Variants in CSMD3 observed in about 807,000 individuals in gnomAD.
CSMD3 encodes the protein CUB and Sushi multiple domains 3.
A neutral mutation model predicts 435.2 loss-of-function variants in CSMD3; 177 were observed. That is an observed-to-expected ratio of 0.41 (90% confidence interval 0.36 to 0.46). The LOEUF is 0.46. Ranked by LOEUF, CSMD3 falls within the 20% of genes least tolerant of loss-of-function variation. The probability of loss-of-function intolerance (pLI) is 0.34; values close to 1 mark genes in which losing one functional copy is unlikely to be tolerated. For missense variants in CSMD3, 4,265 were observed against 4,504.6 expected (o/e 0.95, Z 1.52); for synonymous variants, 1,656 against 1,520.5 (o/e 1.09, Z -2.07).
intron 2 of CSMD3, among the ~76,000 whole-genome samples, chr8:113,283,771 T>G (rs547592355): frequency 7.9e-5 from 12 of 152,264 alleles, no homozygotes; most frequent in Admixed American, 4.6e-4. Flanking sequence ...GAAAAGATAC[T>G]TGTACATGCA....
intron 31 of CSMD3, 83 bp from the exon 32 acceptor site, chr8:112,472,790 T>A: frequency 1.3e-6 from 1 of 756,338 alleles, no homozygotes; most frequent in Non-Finnish European, 2.4e-6. Flanking sequence ...ATATAAAAAA[T>A]ATATGGCTAA....
intron 3 of CSMD3, among the ~76,000 whole-genome samples, chr8:113,219,792 T>C (rs562109853): frequency 6.6e-6 from 1 of 151,530 alleles, no homozygotes; most frequent in East Asian, 1.9e-4. Flanking sequence ...ATGTATACAT[T>C]TGACCACATA....
chr8:112,403,465 T>G (rs1478869712), intron 35 of CSMD3, among the ~76,000 whole-genome samples: 1 of 152,042 alleles, frequency 6.6e-6, no homozygotes, highest in Non-Finnish European at 1.5e-5. Context: ...TACCATAGAT[T>G]AGGTAAGTTT....
At chr8:113,061,482 T>C (rs1329883545) in intron 5 of CSMD3, among the ~76,000 whole-genome samples, 1 of 152,080 alleles carries the variant, frequency 6.6e-6, no homozygotes, top group Non-Finnish European at 1.5e-5. Context: ...ATTATGAGGC[T>C]GAGAGAAAAC....
At chr8:113,365,864 A>G (rs1459821559) in intron 1 of CSMD3, among the ~76,000 whole-genome samples, 1 of 152,012 alleles carries the variant, frequency 6.6e-6, no homozygotes, top group African/African-American at 2.4e-5. Flanking sequence ...TATATGTATC[A>G]CTTTTTAAAC....
intron 22 of CSMD3, among the ~76,000 whole-genome samples, chr8:112,602,566 CAAAA>C (rs199693088): frequency 3.2e-5 from 4 of 125,076 alleles, no homozygotes; most frequent in Admixed American, 8.3e-5. Flanking sequence ...AACTCTGTCT[CAAAA>C]AAAAAAAAAA....
chr8:112,356,661 T>A (rs1421110815), intron 38 of CSMD3, among the ~76,000 whole-genome samples: 1 of 151,498 alleles, frequency 6.6e-6, no homozygotes, highest in African/African-American at 2.4e-5. Flanking sequence ...AGGAACCTGG[T>A]GGGAGGTAAC....
intron 13 of CSMD3, among the ~76,000 whole-genome samples, chr8:112,697,182 C>A (rs1195064091): frequency 1.3e-5 from 2 of 152,046 alleles, no homozygotes; most frequent in African/African-American, 2.4e-5. Context: ...TTCCTCAAGG[C>A]TCTGGAACTA....
In CSMD3 at chr8:112,275,470, C is replaced by T. The variant is rs529564877; in HGVS notation, c.9508+5704G>A. Among the ~76,000 whole-genome samples, 137 of 152,132 alleles carry T rather than the reference C, an allele frequency of 9.0e-4. 1 individual carries two copies. Among genetic ancestry groups the T allele is most frequent in the Admixed American group, 3.8e-3 (58 of 15,270 alleles). ...GCTGAGGCAGGAGAATCACTTGAAC[C>T]CAGGAGGCAGAGGTTGCAGTGAGCC... On this transcript the variant is annotated intron_variant, in intron 59 of 70. Coordinates refer to ENST00000297405, the MANE Select transcript of CSMD3 (RefSeq NM_198123.2).
intron 32 of CSMD3, among the ~76,000 whole-genome samples, chr8:112,410,623 T>C (rs1832280960): frequency 1.7e-5 from 1 of 58,966 alleles, no homozygotes; most frequent in East Asian, 5.7e-4. Context: ...TATGTATATA[T>C]ATGTGTATAT....
At chr8:112,839,298 A>G (rs1474055187) in intron 11 of CSMD3, among the ~76,000 whole-genome samples, 1 of 151,720 alleles carries the variant, frequency 6.6e-6, no homozygotes, top group African/African-American at 2.4e-5. Flanking sequence ...CTTCTCCTTT[A>G]GGGGACTGTT....
chr8:112,725,917 A>T (rs1416561286), intron 13 of CSMD3, among the ~76,000 whole-genome samples: 1 of 152,022 alleles, frequency 6.6e-6, no homozygotes, highest in Non-Finnish European at 1.5e-5. Context: ...TACTGCTATA[A>T]AGAACTGCCT....
chr8:112,267,460 G>A lies in CSMD3; in HGVS notation c.9509-1870C>T, dbSNP rs149464046. 1.0e-3 allele frequency among the ~76,000 whole-genome samples: 156 copies of A among 151,898 alleles called. 1 individual carries two copies. The highest frequency in any genetic ancestry group is 3.7e-3 in the African/African-American group (152 of 41,426). On this transcript the variant is annotated intron_variant, in intron 59 of 70. Coordinates refer to ENST00000297405, the MANE Select transcript of CSMD3 (RefSeq NM_198123.2). ...AATTCTACTCATGTACCGACAATAC[G>A]TCATCTCTTTTTATAGTTTAAAAAT...
chr8:112,914,895 G>A (rs1256470580), intron 10 of CSMD3, among the ~76,000 whole-genome samples: 1 of 151,884 alleles, frequency 6.6e-6, no homozygotes, highest in Non-Finnish European at 1.5e-5. Flanking sequence ...TTACTGTGGA[G>A]AAGCTAAATA....
In CSMD3 at chr8:112,366,273, AG is replaced by A. The variant is rs1275157414; in HGVS notation, c.6137-13740del. 7.2e-5 allele frequency among the ~76,000 whole-genome samples: 11 copies of A among 152,328 alleles called. No homozygotes were observed. The East Asian group carries it at 2.1e-3, about 29-fold the overall frequency. On this transcript the variant is annotated intron_variant, in intron 38 of 70. Coordinates refer to ENST00000297405, the MANE Select transcript of CSMD3 (RefSeq NM_198123.2). ...AGAGGGTTTTGAGACAGTTAACCAA[AG>A]CTTTTGCAGGAAAGCTTCACCAGAG...
intron 6 of CSMD3, among the ~76,000 whole-genome samples, chr8:113,001,728 G>A (rs1336076437): frequency 6.6e-6 from 1 of 151,998 alleles, no homozygotes; most frequent in Non-Finnish European, 1.5e-5. Flanking sequence ...GGAAACTAAT[G>A]GATAACAACA....
At chr8:112,893,547 G>A (rs187763648) in intron 10 of CSMD3, among the ~76,000 whole-genome samples, 24 of 151,532 alleles carry the variant, frequency 1.6e-4, no homozygotes, top group African/African-American at 5.3e-4. Context: ...ACTTCCTCCA[G>A]GTCACTTGGT....
chr8:112,593,201 T>C (rs1306323086), intron 22 of CSMD3, among the ~76,000 whole-genome samples: 1 of 152,136 alleles, frequency 6.6e-6, no homozygotes, highest in Non-Finnish European at 1.5e-5. Flanking sequence ...TGGAGATTCA[T>C]AGAAGAGTTT....
At chr8:112,257,426 A>C (rs1815912615) in intron 61 of CSMD3, among the ~76,000 whole-genome samples, 1 of 152,222 alleles carries the variant, frequency 6.6e-6, no homozygotes, top group Non-Finnish European at 1.5e-5. Context: ...AAGCAACTTC[A>C]GCAAAGTCTC....
Sources: gnomAD v4.1 joint callset for allele counts (sites outside exome capture counted in the v4.1 genomes callset) on GRCh38, gnomAD v4.1.1 for gene constraint, MANE v1.5 for transcripts, NCBI Gene and HGNC (gene_info 2026-07-23, HGNC 2026-07-21) for gene names.